The following TCF4 variants were observed in gnomAD, a reference collection of about 807,000 sequenced individuals.
TCF4 encodes SL3-3 enhancer factor 2.
Under a neutral mutation model 82.1 loss-of-function variants are expected in TCF4, and 3 were observed. The observed-to-expected ratio is 0.04, with a 90% confidence interval of 0.02 to 0.09. The LOEUF (loss-of-function observed/expected upper bound fraction) is 0.09. TCF4 is among the 10% of genes least tolerant of loss of function. TCF4 has a pLI of 1.00. For synonymous variants in TCF4, 276 were observed against 309.6 expected, an observed-to-expected ratio of 0.89 and a Z score of 1.14; for missense variants, 518 against 852.7, an observed-to-expected ratio of 0.61 and a Z score of 4.89.
intron 6 of TCF4, among the ~76,000 whole-genome samples, chr18:55,395,024 C>T (rs2093408522): frequency 6.6e-6 from 1 of 152,062 alleles, no homozygotes. Flanking sequence ...TTCAGTGTTG[C>T]CAATATTTTA....
intron 3 of TCF4, among the ~76,000 whole-genome samples, chr18:55,490,919 G>A (rs1203825757): frequency 6.6e-6 from 1 of 152,130 alleles, no homozygotes; most frequent in Non-Finnish European, 1.5e-5. Context: ...AGAGATTAGA[G>A]AAGATATTGG....
chr18:55,251,765 C>T (rs2055189420), intron 15 of TCF4, among the ~76,000 whole-genome samples: 3 of 152,176 alleles, frequency 2.0e-5, no homozygotes, highest in Admixed American at 2.0e-4. Context: ...GAGACTCTCA[C>T]CAGTGCTCTC....
At chr18:55,530,487 A>G (rs1218644215) in intron 3 of TCF4, among the ~76,000 whole-genome samples, 1 of 148,192 alleles carries the variant, frequency 6.7e-6, no homozygotes, top group Non-Finnish European at 1.5e-5. Flanking sequence ...GAAGAGGCTA[A>G]AACAGGCAGA....
chr18:55,531,131 T>C (rs1465408639), intron 3 of TCF4, among the ~76,000 whole-genome samples: 6 of 151,846 alleles, frequency 4.0e-5, no homozygotes, highest in Non-Finnish European at 8.8e-5. Flanking sequence ...TTTTTGTATT[T>C]TTAGTAGAGA....
intron 3 of TCF4, among the ~76,000 whole-genome samples, chr18:55,472,748 A>G (rs1419139953): frequency 1.3e-5 from 2 of 152,154 alleles, no homozygotes; most frequent in Non-Finnish European, 2.9e-5. Context: ...CTTTGAAAAA[A>G]AAATCAAAGT....
intron 15 of TCF4, among the ~76,000 whole-genome samples, chr18:55,245,958 T>C (rs979421970): frequency 2.0e-5 from 3 of 152,240 alleles, no homozygotes; most frequent in Middle Eastern, 3.2e-3. Context: ...AATGAACATA[T>C]GTATATTTTC....
chr18:55,538,017 T>TGGATTTTGCTAGTCTGC (rs1568345962), intron 3 of TCF4, among the ~76,000 whole-genome samples: 2 of 138,686 alleles, frequency 1.4e-5, no homozygotes, highest in East Asian at 4.6e-4. Context: ...TTTGCTAGTC[T>TGGATTTTGCTAGTCTGC]GCGCGCGCGC....
At chr18:55,601,503 G>A (rs1474096926) in intron 2 of TCF4, among the ~76,000 whole-genome samples, 1 of 150,902 alleles carries the variant, frequency 6.6e-6, no homozygotes, top group Non-Finnish European at 1.5e-5. Flanking sequence ...TCTGATTCAA[G>A]CTGGGTGCGG....
At chr18:55,486,578 T>TG (rs1208902082) in intron 3 of TCF4, among the ~76,000 whole-genome samples, 8 of 151,884 alleles carry the variant, frequency 5.3e-5, no homozygotes, top group African/African-American at 1.7e-4. Context: ...GGTGACAGAG[T>TG]GAGACTCTTG....
chr18:55,340,998 T>C (rs1352005661), intron 8 of TCF4, among the ~76,000 whole-genome samples: 1 of 152,234 alleles, frequency 6.6e-6, no homozygotes, highest in Non-Finnish European at 1.5e-5. Context: ...CTGCCTGGCA[T>C]ACTGATTTGC....
upstream of TCF4, chr18:55,588,616 A>C (rs2097675322): frequency 4.1e-6 from 6 of 1,471,600 alleles, 1 homozygote; most frequent in South Asian, 8.0e-5. Context: ...CCTCTCACTC[A>C]CACATCCACA....
chr18:55,624,655 C>G (rs1468306910), intron 2 of TCF4, among the ~76,000 whole-genome samples: 1 of 151,658 alleles, frequency 6.6e-6, no homozygotes, highest in Admixed American at 6.6e-5. Flanking sequence ...CTTTCCTTCT[C>G]TTCTTTGACT....
At chr18:55,516,206 C>G (rs1255516087) in intron 3 of TCF4, among the ~76,000 whole-genome samples, 1 of 152,014 alleles carries the variant, frequency 6.6e-6, no homozygotes, top group Non-Finnish European at 1.5e-5. Flanking sequence ...TAACTGTTAC[C>G]TTGAACAAGT....
intron 8 of TCF4, chr18:55,302,453 G>C: frequency 6.5e-7 from 1 of 1,536,254 alleles, no homozygotes; most frequent in Non-Finnish European, 8.7e-7. Context: ...ACATAGCCCT[G>C]TATCTGAGCA....
At chr18:55,297,156 T>G (rs1376629452) in intron 8 of TCF4, among the ~76,000 whole-genome samples, 25 of 139,462 alleles carry the variant, frequency 1.8e-4, no homozygotes, top group Non-Finnish European at 3.8e-4. Flanking sequence ...GGTTTTTTTT[T>G]TTTTTTTTTT....
At chr18:55,240,617 T>TA (rs2050918694) in intron 15 of TCF4, among the ~76,000 whole-genome samples, 1 of 152,188 alleles carries the variant, frequency 6.6e-6, no homozygotes, top group African/African-American at 2.4e-5. Flanking sequence ...CAGCAGTAGA[T>TA]AGATACTGTG....
At chr18:55,575,061 T>A (rs552660579) in intron 3 of TCF4, among the ~76,000 whole-genome samples, 1 of 152,188 alleles carries the variant, frequency 6.6e-6, no homozygotes, top group African/African-American at 2.4e-5. Flanking sequence ...GATTAAAGTG[T>A]AGAATTCCCT....
At chr18:55,625,427 C>T (rs536493560) in intron 2 of TCF4, among the ~76,000 whole-genome samples, 52 of 151,972 alleles carry the variant, frequency 3.4e-4, no homozygotes, top group Non-Finnish European at 5.9e-4. Flanking sequence ...TTAGTAGAGA[C>T]GGGGTTTCAC....
chr18:55,461,119 T>C lies in TCF4; in HGVS notation c.208-4A>G, dbSNP rs2144779582. The C allele has an allele frequency of 6.2e-7, 1 of 1,608,136 alleles. No individual in the cohort carries two copies. Among genetic ancestry groups the C allele is most frequent in the East Asian group, 2.2e-5 (1 of 44,726 alleles). On this transcript the variant is annotated splice_polypyrimidine_tract_variant and splice_region_variant and intron_variant, in intron 4 of 19. Coordinates refer to ENST00000354452, the MANE Select transcript of TCF4 (RefSeq NM_001083962.2). Reference sequence around the variant, plus strand: ...AGGGAGTCCCATCTCCATAGTTCTGTAAATAAAATGACAGTGTAAGTTATT... The same window carrying C: ...AGGGAGTCCCATCTCCATAGTTCTGCAAATAAAATGACAGTGTAAGTTATT...
Sources: allele counts gnomAD v4.1 joint callset (sites outside exome capture counted in the v4.1 genomes callset), GRCh38; gene constraint gnomAD v4.1.1; transcripts MANE v1.5; gene names NCBI Gene and HGNC (gene_info 2026-07-23, HGNC 2026-07-21).